The following RBFOX3 variants were observed in gnomAD, a reference collection of about 807,000 sequenced individuals.
RBFOX3 encodes the protein RNA binding protein fox-1 homolog 3.
In RBFOX3, 17 loss-of-function variants were observed where a neutral mutation model predicts 48.7. The ratio of observed to expected loss-of-function variants is 0.35; its 90% CI spans 0.24 to 0.52. RBFOX3 has a LOEUF of 0.52. Among genes scored for constraint, RBFOX3 ranks in the 20% least tolerant of loss-of-function variants. RBFOX3 has a pLI of 0.94. For synonymous variants in RBFOX3, 212 were observed against 209.5 expected (o/e 1.01, Z -0.10); for missense variants, 382 against 497.5 (o/e 0.77, Z 2.21).
At chr17:79,478,720 C>A (rs1690885204) in intron 2 of RBFOX3, among the ~76,000 whole-genome samples, 1 of 152,216 alleles carries the variant, frequency 6.6e-6, no homozygotes, top group African/African-American at 2.4e-5. Flanking sequence ...AGTTTTTGCT[C>A]AGGCCCATCT....
At chr17:79,343,433 C>T (rs1300819208) in intron 2 of RBFOX3, among the ~76,000 whole-genome samples, 1 of 152,086 alleles carries the variant, frequency 6.6e-6, no homozygotes, top group African/African-American at 2.4e-5. Context: ...ATGAGAATTG[C>T]TTGAATTTGG....
chr17:79,555,492 A>G lies in RBFOX3; in HGVS notation c.-320+55334T>C, dbSNP rs1366935556. ...TGACAATGATAATGGTGGTGATGAC[A>G]GTGGTGGTGGTGGTGGTGATGGTGG... On this transcript the variant is annotated intron_variant, in intron 1 of 14. Coordinates refer to ENST00000693108, the MANE Select transcript of RBFOX3 (RefSeq NM_001350451.2). 5.0e-3 allele frequency among the ~76,000 whole-genome samples: 227 copies of G among 45,546 alleles called. 2 individuals carry two copies. The highest frequency in any genetic ancestry group is 0.017 in the Middle Eastern group (1 of 60). The allele number at this position is 45,546 out of a possible 152,430, so 29.9% of individuals were successfully genotyped here.
At chr17:79,526,489 G>A (rs2086815293) in intron 1 of RBFOX3, among the ~76,000 whole-genome samples, 4 of 152,254 alleles carry the variant, frequency 2.6e-5, no homozygotes, top group Admixed American at 2.6e-4. Context: ...GCGAGGTCAG[G>A]ACAGTGGCCT....
At chr17:79,626,834 G>A in the RBFOX3 span, among the ~76,000 whole-genome samples, 4 of 152,162 alleles carry the variant, frequency 2.6e-5, no homozygotes, top group Non-Finnish European at 2.9e-5. Flanking sequence ...GTGACCTCCC[G>A]GGGCTCAGCC....
chr17:79,508,266 C>G (rs1184576075), intron 1 of RBFOX3, among the ~76,000 whole-genome samples: 1 of 152,142 alleles, frequency 6.6e-6, no homozygotes, highest in Admixed American at 6.5e-5. Context: ...AGAGGGGGTT[C>G]CTCCAGCACA....
intron 1 of RBFOX3, among the ~76,000 whole-genome samples, chr17:79,571,813 C>T (rs1013304038): frequency 7.2e-5 from 11 of 152,120 alleles, no homozygotes; most frequent in Admixed American, 2.6e-4. Context: ...CCAAGGATCC[C>T]TCAAGGAGGG....
At chr17:79,329,072 T>C (rs1379934884) in intron 2 of RBFOX3, among the ~76,000 whole-genome samples, 1 of 151,984 alleles carries the variant, frequency 6.6e-6, no homozygotes, top group Non-Finnish European at 1.5e-5. Context: ...GGAGGCTGGA[T>C]ACAGAAAGAT....
At chr17:79,414,787 A>G (rs1281064972) in intron 2 of RBFOX3, among the ~76,000 whole-genome samples, 1 of 152,236 alleles carries the variant, frequency 6.6e-6, no homozygotes, top group Non-Finnish European at 1.5e-5. Flanking sequence ...TGGCGCGAAC[A>G]GGCTCTGGTG....
At chr17:79,401,628 A>G (rs987535138) in intron 2 of RBFOX3, among the ~76,000 whole-genome samples, 6 of 152,202 alleles carry the variant, frequency 3.9e-5, no homozygotes, top group Non-Finnish European at 8.8e-5. Flanking sequence ...AGTATTCCGC[A>G]GCTCATTTCT....
intron 3 of RBFOX3, among the ~76,000 whole-genome samples, chr17:79,238,470 T>C (rs2061907300): frequency 1.3e-5 from 2 of 152,190 alleles, no homozygotes; most frequent in African/African-American, 4.8e-5. Flanking sequence ...TTCACCTCTC[T>C]TCCCGAACAC....
chr17:79,579,083 CG>C (rs2092958488), intron 1 of RBFOX3, among the ~76,000 whole-genome samples: 1 of 152,232 alleles, frequency 6.6e-6, no homozygotes, highest in Admixed American at 6.5e-5. Context: ...CTGAACAGGA[CG>C]GGCCTTTGTG....
intron 3 of RBFOX3, among the ~76,000 whole-genome samples, chr17:79,301,148 C>T (rs1281438534): frequency 1.3e-5 from 2 of 152,330 alleles, no homozygotes; most frequent in East Asian, 3.9e-4. Flanking sequence ...CTGGGATGGG[C>T]CTGGGAGAGC....
intron 4 of RBFOX3, among the ~76,000 whole-genome samples, chr17:79,185,341 G>A (rs1170790865): frequency 6.6e-6 from 1 of 152,208 alleles, no homozygotes; most frequent in Non-Finnish European, 1.5e-5. Context: ...TCAGTAACTT[G>A]GTTTCCCAGC....
At chr17:79,370,455 G>A (rs1003113165) in intron 2 of RBFOX3, among the ~76,000 whole-genome samples, 1 of 152,042 alleles carries the variant, frequency 6.6e-6, no homozygotes, top group African/African-American at 2.4e-5. Context: ...GATGTGCACA[G>A]TCACATACTA....
At chr17:79,469,753 T>A (rs950250943) in intron 2 of RBFOX3, among the ~76,000 whole-genome samples, 1 of 151,958 alleles carries the variant, frequency 6.6e-6, no homozygotes, top group Admixed American at 6.6e-5. Context: ...TTAAATGTAA[T>A]GGGGAGGGCA....
At chr17:79,270,665 AAG>A (rs1306149670) in intron 3 of RBFOX3, among the ~76,000 whole-genome samples, 2 of 152,276 alleles carry the variant, frequency 1.3e-5, no homozygotes, top group Non-Finnish European at 2.9e-5. Context: ...AGCGCCTGCA[AAG>A]AGAGCGATGT....
chr17:79,346,854 T>G (rs1401031839), intron 2 of RBFOX3, among the ~76,000 whole-genome samples: 1 of 152,234 alleles, frequency 6.6e-6, no homozygotes, highest in African/African-American at 2.4e-5. Context: ...AAACAATGTC[T>G]TCTATTTGTG....
chr17:79,162,820 G>C (rs1175583235), intron 4 of RBFOX3, among the ~76,000 whole-genome samples: 1 of 152,184 alleles, frequency 6.6e-6, no homozygotes, highest in East Asian at 1.9e-4. Flanking sequence ...AGAGCCGGGA[G>C]GGGTAGAGGA....
chr17:79,147,180 A>G (rs1568225336), intron 4 of RBFOX3, among the ~76,000 whole-genome samples: 3 of 152,104 alleles, frequency 2.0e-5, no homozygotes, highest in Non-Finnish European at 2.9e-5. Context: ...GTCCTCAGAG[A>G]TGGCACGGCC....
Sources: allele counts gnomAD v4.1 joint callset (sites outside exome capture counted in the v4.1 genomes callset), GRCh38; gene constraint gnomAD v4.1.1; transcripts MANE v1.5; gene names NCBI Gene and HGNC (gene_info 2026-07-23, HGNC 2026-07-21).